The following COMMD10 variants were observed in gnomAD, a reference collection of about 807,000 sequenced individuals.
COMMD10 encodes COMM domain-containing protein 10.
Under a neutral mutation model 28.9 loss-of-function variants are expected in COMMD10, and 33 were observed. That is an observed-to-expected ratio of 1.14 (90% CI 0.87 to 1.53). The LOEUF (loss-of-function observed/expected upper bound fraction) is 1.53, where lower values mean the gene tolerates loss of function less well. COMMD10 is among the 40% of genes most tolerant of loss of function. The probability of loss-of-function intolerance (pLI) is 0.00; values close to 1 mark genes in which losing one functional copy is unlikely to be tolerated. For missense variants in COMMD10, 310 were observed against 233.4 expected, an observed-to-expected ratio of 1.33 and a Z score of -2.14; for synonymous variants, 110 against 81.7, an observed-to-expected ratio of 1.35 and a Z score of -1.87.
At chr5:116,157,514 G>A (rs892907867) in intron 5 of COMMD10, among the ~76,000 whole-genome samples, 2 of 152,126 alleles carry the variant, frequency 1.3e-5, no homozygotes, top group Non-Finnish European at 2.9e-5. Flanking sequence ...TGTTCACTTG[G>A]TTCAGAGACA....
chr5:116,132,608 A>G (rs547911211), intron 4 of COMMD10, among the ~76,000 whole-genome samples: 8 of 152,016 alleles, frequency 5.3e-5, no homozygotes, highest in Non-Finnish European at 1.2e-4. Flanking sequence ...TAAATGCAAC[A>G]TTTTACAGGT....
rs576394129 is a variant in COMMD10, at chr5:116,210,273, T to C, written c.510+76095T>C. On this transcript the variant is annotated intron_variant, in intron 5 of 6. Coordinates refer to ENST00000274458, the MANE Select transcript of COMMD10 (RefSeq NM_016144.4). ...GAGGAGACAAACCATAGCAGTTATGTATTTTGTTAAACTTAAGCATTTTAT... is the reference window on the plus strand; with the variant it reads ...GAGGAGACAAACCATAGCAGTTATGCATTTTGTTAAACTTAAGCATTTTAT... Among the ~76,000 whole-genome samples, 42 of 152,130 alleles carry C rather than the reference T, an allele frequency of 2.8e-4. No homozygotes were observed. In the East Asian group the frequency reaches 7.7e-3, roughly 28 times the overall value.
chr5:116,244,660 CAAAAAAAAAA>C (rs60360733), intron 5 of COMMD10, among the ~76,000 whole-genome samples: 15 of 79,486 alleles, frequency 1.9e-4, no homozygotes, highest in Non-Finnish European at 4.5e-4. Flanking sequence ...AAAAAAATTA[CAAAAAAAAAA>C]AAAAAAAAGA....
At chr5:116,199,114 A>C (rs550377525) in intron 5 of COMMD10, among the ~76,000 whole-genome samples, 6 of 152,112 alleles carry the variant, frequency 3.9e-5, no homozygotes, top group African/African-American at 1.4e-4. Flanking sequence ...TATCCTCACC[A>C]TCATTTGGTG....
intron 5 of COMMD10, among the ~76,000 whole-genome samples, chr5:116,288,789 TATA>T (rs1751285893): frequency 6.6e-6 from 1 of 151,634 alleles, no homozygotes; most frequent in African/African-American, 2.4e-5. Flanking sequence ...GGTTCTTTTT[TATA>T]GTTTCTGTGT....
chr5:116,221,079 C>A (rs1410378156), intron 5 of COMMD10, among the ~76,000 whole-genome samples: 1 of 99,348 alleles, frequency 1.0e-5, no homozygotes, highest in African/African-American at 3.3e-5. Flanking sequence ...CTTTGAGATA[C>A]TCTTTTTTTT....
At chr5:116,227,451 A>G (rs1749421193) in intron 5 of COMMD10, among the ~76,000 whole-genome samples, 1 of 151,936 alleles carries the variant, frequency 6.6e-6, no homozygotes, top group African/African-American at 2.4e-5. Flanking sequence ...CATTTTCTCT[A>G]CATCTTTAAT....
At chr5:116,255,829 A>G (rs1302179265) in intron 5 of COMMD10, 1 of 151,342 alleles carries the variant, frequency 6.6e-6, no homozygotes, top group Admixed American at 6.6e-5. Flanking sequence ...TAAGCCATAA[A>G]GAGTATTTTA....
chr5:116,211,154 G>A (rs142013271), intron 5 of COMMD10, among the ~76,000 whole-genome samples: 8 of 152,146 alleles, frequency 5.3e-5, no homozygotes, highest in African/African-American at 1.9e-4. Context: ...TTATGTTTAT[G>A]TGTGTGTTTA....
intron 5 of COMMD10, among the ~76,000 whole-genome samples, chr5:116,148,756 C>A (rs946593311): frequency 2.0e-5 from 3 of 151,556 alleles, no homozygotes; most frequent in African/African-American, 7.3e-5. Flanking sequence ...TATCAAAGAA[C>A]ATTGTCAAGA....
chr5:116,085,245 G>C (rs1750051975), intron 1 of COMMD10, 152 bp downstream of exon 1: 1 of 695,918 alleles, frequency 1.4e-6, no homozygotes, highest in Non-Finnish European at 2.4e-6. Context: ...TTGCGACGCT[G>C]CGTCTGCGGA....
chr5:116,194,139 T>C (rs1748444378), intron 5 of COMMD10, among the ~76,000 whole-genome samples: 1 of 152,082 alleles, frequency 6.6e-6, no homozygotes, highest in South Asian at 2.1e-4. Flanking sequence ...TGACACAACC[T>C]ACCAAAACCT....
chr5:116,263,891 A>G (rs1210996472), intron 5 of COMMD10, among the ~76,000 whole-genome samples: 1 of 151,764 alleles, frequency 6.6e-6, no homozygotes, highest in Non-Finnish European at 1.5e-5. Context: ...ACATGTTCTC[A>G]GGACCTCCTG....
chr5:116,176,822 T>C (rs542654037), intron 5 of COMMD10, among the ~76,000 whole-genome samples: 2 of 152,308 alleles, frequency 1.3e-5, no homozygotes, highest in East Asian at 1.9e-4. Flanking sequence ...AGGGGAAGTT[T>C]AATATAAAGA....
At chr5:116,262,762 C>T (rs1305140220) in intron 5 of COMMD10, among the ~76,000 whole-genome samples, 1 of 151,752 alleles carries the variant, frequency 6.6e-6, no homozygotes, top group Admixed American at 6.6e-5. Flanking sequence ...ATTACTCATT[C>T]CCAAAATGAC....
chr5:116,257,486 GA>G (rs553649035), intron 5 of COMMD10, among the ~76,000 whole-genome samples: 10 of 151,574 alleles, frequency 6.6e-5, no homozygotes, highest in Non-Finnish European at 8.8e-5. Flanking sequence ...AAATGCATAG[GA>G]GGGCATTTTA....
At chr5:116,242,867 G>A (rs539727578) in intron 5 of COMMD10, among the ~76,000 whole-genome samples, 1 of 152,178 alleles carries the variant, frequency 6.6e-6, no homozygotes, top group East Asian at 1.9e-4. Context: ...ATAATCGTTG[G>A]ATAGGCTTCA....
chr5:116,219,203 G>A (rs932757678), intron 5 of COMMD10, among the ~76,000 whole-genome samples: 1 of 148,498 alleles, frequency 6.7e-6, no homozygotes, highest in Non-Finnish European at 1.5e-5. Flanking sequence ...AAATCTGGAG[G>A]CTATTGTTGG....
intron 5 of COMMD10, among the ~76,000 whole-genome samples, chr5:116,277,219 A>T (rs1020395262): frequency 6.6e-6 from 1 of 151,896 alleles, no homozygotes; most frequent in Admixed American, 6.6e-5. Context: ...CAAACATAAA[A>T]TAAAACCTTA....
Sources: allele counts gnomAD v4.1 joint callset (sites outside exome capture counted in the v4.1 genomes callset), GRCh38; gene constraint gnomAD v4.1.1; transcripts MANE v1.5; gene names NCBI Gene and HGNC (gene_info 2026-07-23, HGNC 2026-07-21).